The following CEP97 variants were observed in gnomAD, a reference collection of about 807,000 sequenced individuals.
CEP97 encodes centrosomal protein of 97 kDa.
In CEP97, 43 loss-of-function variants were observed where a neutral mutation model predicts 73.1. That is an observed-to-expected ratio of 0.59 (90% CI 0.46 to 0.76). The LOEUF (loss-of-function observed/expected upper bound fraction) is 0.76. Among genes scored for constraint, CEP97 ranks in the 30% least tolerant of loss-of-function variants. The probability of loss-of-function intolerance (pLI) is 0.00; values close to 1 mark genes in which losing one functional copy is unlikely to be tolerated. For missense variants in CEP97, 939 were observed against 1,014.0 expected, an observed-to-expected ratio of 0.93 and a Z score of 1.00; for synonymous variants, 337 against 370.0, an observed-to-expected ratio of 0.91 and a Z score of 1.02.
chr3:101,742,807 A>G (rs1197822556), intron 6 of CEP97, among the ~76,000 whole-genome samples: 1 of 152,100 alleles, frequency 6.6e-6, no homozygotes, highest in African/African-American at 2.4e-5. Context: ...TTCCAGACAC[A>G]TTTTTAAGAA....
intron 6 of CEP97, among the ~76,000 whole-genome samples, chr3:101,754,929 G>T: frequency 6.8e-6 from 1 of 147,988 alleles, no homozygotes. Flanking sequence ...TGGACTATAA[G>T]GTTGGTGGAC....
rs930336199 is a variant in CEP97, at chr3:101,736,193, C to T, written c.728+3539C>T. Among the ~76,000 whole-genome samples the T allele has an allele frequency of 2.0e-5, 3 of 152,192 alleles. No homozygotes were observed. In the South Asian group the frequency reaches 6.2e-4, roughly 31 times the overall value. ...ATCTCTGAAAGAAAGGCAGCAGCCC[C>T]AGTCAGGGGGCTTATAGATAAAACT... On this transcript the variant is annotated intron_variant, in intron 6 of 10. Transcript: ENST00000341893.
intron 4 of CEP97, among the ~76,000 whole-genome samples, chr3:101,730,542 G>A (rs1487021840): frequency 6.6e-6 from 1 of 151,004 alleles, no homozygotes; most frequent in Non-Finnish European, 1.5e-5. Context: ...GGGATTACAG[G>A]CATGAGCCAC....
At chr3:101,740,793 T>C (rs1938426348) in intron 6 of CEP97, among the ~76,000 whole-genome samples, 1 of 152,228 alleles carries the variant, frequency 6.6e-6, no homozygotes, top group Admixed American at 6.5e-5. Context: ...TTCTCCATGT[T>C]GGTCAGACTG....
intron 6 of CEP97, among the ~76,000 whole-genome samples, chr3:101,735,150 G>C (rs1016670845): frequency 6.6e-6 from 1 of 152,214 alleles, no homozygotes. Flanking sequence ...TGAAACTAAA[G>C]AGAGTGTCAA....
At chr3:101,729,889 C>T (rs1938038800) in intron 4 of CEP97, among the ~76,000 whole-genome samples, 1 of 152,002 alleles carries the variant, frequency 6.6e-6, no homozygotes, top group Non-Finnish European at 1.5e-5. Context: ...ACTGCAACCT[C>T]TGCCTCCTGT....
At chr3:101,728,268 T>G (rs1272032914) in intron 3 of CEP97, among the ~76,000 whole-genome samples, 3 of 151,694 alleles carry the variant, frequency 2.0e-5, no homozygotes, top group East Asian at 3.9e-4. Flanking sequence ...TTTTGTTTTT[T>G]TTTTTTTTTT....
intron 1 of CEP97, 49 bp downstream of exon 1, chr3:101,724,768 A>T (rs764007295): frequency 6.3e-7 from 1 of 1,584,864 alleles, no homozygotes; most frequent in South Asian, 1.1e-5. Context: ...ACGGAGCTGA[A>T]TTAAATAGTG....
intron 6 of CEP97, among the ~76,000 whole-genome samples, chr3:101,738,551 C>G (rs1217252404): frequency 6.6e-6 from 1 of 152,186 alleles, no homozygotes; most frequent in Non-Finnish European, 1.5e-5. Context: ...AACCGCCCAA[C>G]TACACGGAAA....
At chr3:101,736,079 G>A (rs537151052) in intron 6 of CEP97, among the ~76,000 whole-genome samples, 9 of 152,262 alleles carry the variant, frequency 5.9e-5, no homozygotes, top group African/African-American at 9.6e-5. Flanking sequence ...AAAATCTCCC[G>A]CAAGTTCAAA....
At chr3:101,749,179 G>A (rs1384161803) in intron 6 of CEP97, among the ~76,000 whole-genome samples, 6 of 129,528 alleles carry the variant, frequency 4.6e-5, no homozygotes, top group Admixed American at 1.9e-4. Context: ...AGAGTGTGAT[G>A]GTCCCCTTCC....
In CEP97 at chr3:101,728,898, A is replaced by G. The variant is rs1218854626; in HGVS notation, c.408A>G (p.Ile136Met). 3.7e-6 allele frequency: 6 copies of G among 1,602,450 alleles called. No homozygotes were observed. Among genetic ancestry groups the G allele is most frequent in the Non-Finnish European group, 5.1e-6 (6 of 1,169,434 alleles). ...LQHLDLSDNN[I>M]SQIGDLSKLV... is the part of the protein sequence containing the mutation. ...ATCTCGATTTATCAGACAATAATAT[A>G]TCCCAGATAGGTGATCTATCTAAAT... Residue 136 changes from isoleucine (I) to methionine (M), a missense_variant, in exon 4 of 11, where the codon ATA (isoleucine) becomes ATG (methionine). Transcript: ENST00000341893.
At chr3:101,751,741 C>G (rs902436498) in intron 6 of CEP97, among the ~76,000 whole-genome samples, 1 of 151,260 alleles carries the variant, frequency 6.6e-6, no homozygotes. Flanking sequence ...CAACCCCTGC[C>G]TTTTTTTGTT....
intron 6 of CEP97, among the ~76,000 whole-genome samples, chr3:101,753,938 C>T (rs1366815432): frequency 6.6e-6 from 1 of 152,160 alleles, no homozygotes; most frequent in Non-Finnish European, 1.5e-5. Context: ...CTGGCACTCC[C>T]TAGTGGGATG....
chr3:101,761,587 T>C (rs2107191399), intron 9 of CEP97, among the ~76,000 whole-genome samples: 1 of 152,182 alleles, frequency 6.6e-6, no homozygotes, highest in African/African-American at 2.4e-5. Context: ...AAAACAATAG[T>C]GAGAAGCAAT....
intron 6 of CEP97, among the ~76,000 whole-genome samples, chr3:101,733,284 C>A (rs1938170908): frequency 6.6e-6 from 1 of 151,956 alleles, no homozygotes; most frequent in African/African-American, 2.4e-5. Flanking sequence ...TGTGTAGGAT[C>A]TCAGATCAGT....
At chr3:101,745,479 G>A (rs970362589) in intron 6 of CEP97, among the ~76,000 whole-genome samples, 18 of 151,708 alleles carry the variant, frequency 1.2e-4, no homozygotes, top group East Asian at 5.8e-4. Context: ...TTGCCCAGTC[G>A]GGTCTGGAAC....
chr3:101,754,994 A>G (rs1938963726), intron 6 of CEP97, among the ~76,000 whole-genome samples: 1 of 151,564 alleles, frequency 6.6e-6, no homozygotes, highest in Non-Finnish European at 1.5e-5. Flanking sequence ...ACCTGACCTC[A>G]AGTGATCCTC....
At chr3:101,762,874 C>A (rs554652204) in intron 10 of CEP97, among the ~76,000 whole-genome samples, 1 of 152,106 alleles carries the variant, frequency 6.6e-6, no homozygotes, top group Non-Finnish European at 1.5e-5. Context: ...ATGTAGCTAT[C>A]GATCTGTCTT....
Sources: allele counts gnomAD v4.1 joint callset (sites outside exome capture counted in the v4.1 genomes callset), GRCh38; gene constraint gnomAD v4.1.1; transcripts MANE v1.5; gene names NCBI Gene and HGNC (gene_info 2026-07-23, HGNC 2026-07-21).